PDE4DIP: variants seen among roughly 807,000 people sequenced by gnomAD.
PDE4DIP encodes the protein phosphodiesterase 4D interacting protein, also known as myomegalin.
In PDE4DIP, 59 loss-of-function variants were observed where a neutral mutation model predicts 221.4. The observed-to-expected ratio is 0.27, with a 90% CI of 0.22 to 0.33. The LOEUF is 0.33. PDE4DIP is among the 10% of genes least tolerant of loss of function. The probability of loss-of-function intolerance (pLI) is 1.00; values close to 1 mark genes in which losing one functional copy is unlikely to be tolerated. For synonymous variants in PDE4DIP, 404 were observed against 815.9 expected (o/e 0.50, Z 8.60); for missense variants, 1,036 against 2,154.2 (o/e 0.48, Z 10.28).
chr1:149,016,735 G>T (rs1435119584), intron 33 of PDE4DIP, among the ~76,000 whole-genome samples, 185 bp downstream of exon 36: 5 of 151,948 alleles, frequency 3.3e-5, no homozygotes, highest in East Asian at 3.9e-4. Flanking sequence ...CCTGCCCAGG[G>T]CCTCAGTGCT....
In PDE4DIP at chr1:148,864,951, C is replaced by T. The variant is rs1158582084; in HGVS notation, c.289+1646C>T. Among the ~76,000 whole-genome samples, 5 of 135,636 alleles carry T rather than the reference C, an allele frequency of 3.7e-5. No individual in the cohort carries two copies. The South Asian group carries it at 1.1e-3, about 30-fold the overall frequency. The allele number at this position is 135,636 out of a possible 152,430, so 89.0% of individuals were successfully genotyped here. On this transcript the variant is annotated intron_variant, in intron 2 of 45. Transcript: ENST00000524974. ...GTGGTCAGGATTCAAATCCAAGCCT[C>T]AAGGCATTGCTCTTTCTATCATAGC...
At position 148,992,788 on chromosome 1, in the gene PDE4DIP, G is replaced by A. The variant is rs376434773; in HGVS notation, c.2904+815G>A. ...AAAGTGAATCATTGGTAGATATCCT[G>A]CACAAGCAGCTGGACTTTCCAGTAA... On this transcript the variant is annotated intron_variant, in intron 22 of 43. Transcript: ENST00000369354. 4.5e-3 allele frequency: 3,815 copies of A among 846,894 alleles called. 113 individuals are homozygous for A. In the African/African-American group the frequency reaches 0.063, roughly 14 times the overall value. 52.5% of individuals were successfully genotyped at this position (846,894 alleles called of 1,614,324 possible).
chr1:148,965,613 AGTCT>A lies in PDE4DIP; in HGVS notation c.1326_1329del (p.Ser442ArgfsTer50). On this transcript the variant is annotated frameshift_variant, in exon 10 of 44. Transcript: ENST00000369354. LOFTEE classifies it high-confidence loss of function. The stretch of plus-strand genomic sequence containing the variant: ...ACAAAACATCCAGCACCTAAACCAT[AGTCT>A]GAGTCACAAGGAGCAGTTGCTTCAG... The A allele has an allele frequency of 1.0e-6, 1 of 986,554 alleles. No individual in the cohort carries two copies. The allele number at this position is 986,554 out of a possible 1,614,324, so 61.1% of individuals were successfully genotyped here.
At chr1:148,989,727 G>C (rs2062636331) in intron 21 of PDE4DIP, among the ~76,000 whole-genome samples, 1 of 152,196 alleles carries the variant, frequency 6.6e-6, no homozygotes, top group African/African-American at 2.4e-5. Context: ...TTTTGTCACT[G>C]AGTGAGACAA....
chr1:149,006,628 T>G, intron 27 of PDE4DIP: 1 of 150,304 alleles, frequency 6.7e-6, no homozygotes, highest in Middle Eastern at 3.4e-3. Flanking sequence ...TGCAGAACTA[T>G]GTTTATTCTC....
At chr1:148,979,705 T>C (rs782501275) in intron 19 of PDE4DIP, 32 bp from the exon 23 acceptor site, 1 of 1,595,268 alleles carries the variant, frequency 6.3e-7, no homozygotes, top group Middle Eastern at 1.7e-4. Context: ...CTGTGCCATT[T>C]GCGTATTGCT....
In PDE4DIP at chr1:148,951,998, G is replaced by C. The variant is rs1270088017; in HGVS notation, c.637-8656G>C. ...TGCTGGCGGGAAGCGGGGGCGGCGC[G>C]CAGCGGTACCTAGCGGCGCTGCCCC... On this transcript the variant is annotated intron_variant, in intron 5 of 43. Transcript: ENST00000369354. The C allele has an allele frequency of 5.3e-6, 5 of 943,584 alleles. No homozygotes were observed. The African/African-American group carries it at 8.8e-5, about 17-fold the overall frequency. The allele number at this position is 943,584 out of a possible 1,614,324, so 58.5% of individuals were successfully genotyped here. A position where few individuals can be genotyped will look rare whatever the true frequency, so the allele number is the denominator to read the frequency against.
chr1:148,977,956 A>T, exon 18 of PDE4DIP: 1 of 1,614,034 alleles, frequency 6.2e-7, no homozygotes, highest in Non-Finnish European at 8.5e-7. Context: ...TCTGCTCTAC[A>T]GTCCATGATG....
intron 5 of PDE4DIP, among the ~76,000 whole-genome samples, chr1:148,946,026 C>T (rs1381940919): frequency 6.6e-6 from 1 of 150,832 alleles, no homozygotes; most frequent in Non-Finnish European, 1.5e-5. Flanking sequence ...TCTTTGACCT[C>T]CAGTCTCTTT....
exon 19 of PDE4DIP, chr1:148,978,292 A>G (rs1207614015): frequency 6.2e-7 from 1 of 1,602,434 alleles, no homozygotes; most frequent in African/African-American, 1.3e-5. Context: ...TGCAAATGCA[A>G]CTGGTTGATC....
At chr1:148,938,697 C>T (rs587758132) in intron 5 of PDE4DIP, among the ~76,000 whole-genome samples, 2 of 151,438 alleles carry the variant, frequency 1.3e-5, no homozygotes, top group African/African-American at 4.8e-5. Context: ...TATGAACCTT[C>T]CAGGTCCTTG....
intron 21 of PDE4DIP, among the ~76,000 whole-genome samples, chr1:148,986,726 C>T (rs782787913): frequency 2.0e-5 from 3 of 152,282 alleles, no homozygotes; most frequent in South Asian, 4.1e-4. Flanking sequence ...ACCTTAAAAA[C>T]CCTCCTTGCT....
intron 9 of PDE4DIP, among the ~76,000 whole-genome samples, chr1:148,963,080 T>A (rs1553514164): frequency 6.6e-6 from 1 of 152,114 alleles, no homozygotes; most frequent in African/African-American, 2.4e-5. Flanking sequence ...GTATTTTTGG[T>A]AGAGACAGGT....
chr1:149,006,190 A>G (rs1341317690), intron 27 of PDE4DIP: 1 of 152,106 alleles, frequency 6.6e-6, no homozygotes, highest in African/African-American at 2.4e-5. Flanking sequence ...GCATATGTTA[A>G]GCTCTCAATG....
intron 5 of PDE4DIP, chr1:148,953,149 G>C (rs781851953): frequency 6.2e-7 from 1 of 1,614,104 alleles, no homozygotes; most frequent in African/African-American, 1.3e-5. Flanking sequence ...TACCCGATGC[G>C]AGATACTCTG....
chr1:148,997,579 G>A (rs1200483042), intron 22 of PDE4DIP, among the ~76,000 whole-genome samples: 1 of 152,194 alleles, frequency 6.6e-6, no homozygotes, highest in African/African-American at 2.4e-5. Context: ...TGTCTTCCCT[G>A]TCGCTCCACC....
chr1:148,818,024 C>T (rs1393225938), intron 1 of PDE4DIP, among the ~76,000 whole-genome samples: 1 of 149,444 alleles, frequency 6.7e-6, no homozygotes, highest in African/African-American at 2.5e-5. Flanking sequence ...ACCATGTTGG[C>T]CAGGGTGGTC....
At chr1:148,961,581 A>G (rs1158318134) in intron 6 of PDE4DIP, among the ~76,000 whole-genome samples, 2 of 152,232 alleles carry the variant, frequency 1.3e-5, no homozygotes, top group African/African-American at 2.4e-5. Context: ...ACAAGTTCCT[A>G]GTATGGCTGC....
chr1:148,884,922 G>A (rs1409606530), upstream of PDE4DIP, among the ~76,000 whole-genome samples: 1 of 147,446 alleles, frequency 6.8e-6, no homozygotes, highest in Non-Finnish European at 1.5e-5. Context: ...AATGCTACTA[G>A]GTATGCTTTT....
Sources: gnomAD v4.1 joint callset for allele counts (sites outside exome capture counted in the v4.1 genomes callset) on GRCh38, gnomAD v4.1.1 for gene constraint, MANE v1.5 for transcripts, NCBI Gene and HGNC (gene_info 2026-07-23, HGNC 2026-07-21) for gene names.